Variants in TFIP11 observed in about 807,000 individuals in gnomAD.
The protein encoded by TFIP11 is tuftelin interacting protein 11, also known as tuftelin-interacting protein 11.
TFIP11 carries 86 observed loss-of-function variants against 96.8 expected under a neutral mutation model. The observed-to-expected ratio is 0.89, with a 90% CI of 0.75 to 1.06. The LOEUF is 1.06. Ranked by LOEUF, TFIP11 falls within the 50% of genes least tolerant of loss-of-function variation. The pLI, the probability that TFIP11 is intolerant of heterozygous loss-of-function variation, is 0.00. For synonymous variants in TFIP11, 405 were observed against 395.2 expected (o/e 1.02, Z -0.29); for missense variants, 881 against 1,076.7 (o/e 0.82, Z 2.54).
At position 26,496,191 on chromosome 22, in the gene TFIP11, G is replaced by A. The variant is rs1922006718; in HGVS notation, c.1731C>T (p.Ala577=). ...YSPIRSKLSS[A]LQKWHPSDSS... ...AGTCGCTGGGGTGCCACTTCTGCAG[G>A]GCGCTGGACAGCTTACTACGGATGG... Residue 577 remains alanine (A), a synonymous_variant, in exon 12 of 15, where the codon GCC becomes GCT. Transcript: ENST00000407690. 1.9e-6 allele frequency: 3 copies of A among 1,613,988 alleles called. No individual in the cohort carries two copies. The highest frequency in any genetic ancestry group is 4.5e-5 in the East Asian group (2 of 44,872).
intron 14 of TFIP11, chr22:26,492,935 G>C (rs950238515): frequency 1.3e-5 from 2 of 153,158 alleles, no homozygotes; most frequent in African/African-American, 4.8e-5. Context: ...GGGTAGCTAA[G>C]GAAGAGTTTT....
At chr22:26,507,771 G>A (rs1287037694) in intron 4 of TFIP11, among the ~76,000 whole-genome samples, 3 of 151,776 alleles carry the variant, frequency 2.0e-5, no homozygotes, top group African/African-American at 4.8e-5. Context: ...GGTCTTTTTT[G>A]TATAAAATAA....
rs1013510321 is a variant in TFIP11 at position 26,501,922 on chromosome 22, T to C, written c.779A>G (p.Gln260Arg). The C allele has an allele frequency of 6.2e-7, 1 of 1,613,350 alleles. No individual in the cohort carries two copies. The highest frequency in any genetic ancestry group is 8.5e-7 in the Non-Finnish European group (1 of 1,179,798). ...GRISKKLTAPQKELSQVKVID... is the reference protein window; with the variant it reads ...GRISKKLTAPRKELSQVKVID... ...TACCTTGACTTGAGAAAGTTCCTTCTGGGGAGCAGTGAGCTTCTTGCTAAT... is the reference window on the plus strand; with the variant it reads ...TACCTTGACTTGAGAAAGTTCCTTCCGGGGAGCAGTGAGCTTCTTGCTAAT... The change falls in exon 8 of 15, where the codon CAG (glutamine) becomes CGG (arginine). Residue 260 changes from glutamine to arginine, a missense_variant. Gln to Arg is a conservative substitution (Grantham distance 43). Transcript: ENST00000407690.
rs944076385 is a variant in TFIP11, at chr22:26,506,805, AG to A, written c.332del (p.Pro111LeufsTer9). On this transcript the variant is annotated frameshift_variant, in exon 5 of 15. Coordinates refer to ENST00000407690, the MANE Select transcript of TFIP11 (RefSeq NM_012143.4). LOFTEE classifies it high-confidence loss of function. ...EEKPVKQDDF[P>X]KDFGPRKLKT... ...TTAGCTTCCTTGGTCCAAAATCCTT[AG>A]GAAAGTCGTCCTGCTTAACAGGTTT... The A allele has an allele frequency of 1.2e-5, 19 of 1,614,090 alleles. No homozygotes were observed. In the Admixed American group the frequency reaches 2.7e-4, roughly 23 times the overall value.
chr22:26,503,169 G>A (rs923718491), intron 7 of TFIP11, among the ~76,000 whole-genome samples: 1 of 152,184 alleles, frequency 6.6e-6, no homozygotes, highest in Non-Finnish European at 1.5e-5. Flanking sequence ...AAAAATGGCT[G>A]TCATGGCTGT....
intron 8 of TFIP11, 26 bp downstream of exon 8, chr22:26,501,874 T>C (rs376211287): frequency 5.0e-6 from 8 of 1,596,466 alleles, no homozygotes; most frequent in Non-Finnish European, 6.8e-6. Context: ...GTGGATCCTG[T>C]ACCAGGTGTC....
chr22:26,491,636 C>G lies in TFIP11; in HGVS notation c.*377G>C, dbSNP rs765290140. On this transcript the variant is annotated 3_prime_UTR_variant, in exon 15 of 15. Transcript: ENST00000407690. The stretch of plus-strand genomic sequence containing the variant: ...AGGACTGTGAGGACCTTGAAATCAT[C>G]AGGAACAAGAGAGAAGATCCTTCTG... 6.2e-7 allele frequency: 1 copy of G among 1,613,416 alleles called. No homozygotes were observed. Among genetic ancestry groups the G allele is most frequent in the East Asian group, 2.2e-5 (1 of 44,884 alleles).
chr22:26,500,483 C>T (rs1922643343), intron 8 of TFIP11, among the ~76,000 whole-genome samples: 1 of 152,030 alleles, frequency 6.6e-6, no homozygotes. Context: ...AATTTTAAAA[C>T]AAAATAAAAT....
chr22:26,492,346 T>A lies in TFIP11; in HGVS notation c.2181A>T (p.Ala727=), dbSNP rs758655707. 2.5e-6 allele frequency: 4 copies of A among 1,614,114 alleles called. No individual in the cohort carries two copies. The highest frequency in any genetic ancestry group is 3.4e-6 in the Non-Finnish European group (4 of 1,179,984). ...GGGTGAGATAGGCAATGTTCTCCCG[T>A]GCTCCTGGCTGCATGTAGGCACCTA... ...SNVGAYMQPG[A]RENIAYLTHT... is the part of the protein sequence containing the mutation. Residue 727 remains alanine (A), a synonymous_variant, in exon 15 of 15, where the codon GCA becomes GCT. Coordinates refer to ENST00000407690, the MANE Select transcript of TFIP11 (RefSeq NM_012143.4).
Position 26,491,965 on chromosome 22 carries a change from C to T in TFIP11, c.*48G>A, listed in dbSNP as rs764675405. ...CTAAAAATACTGTTTATTTACAGTA[C>T]ATCCCTCTTAGGGGCAAGTCTCTGA... is the stretch of plus-strand genomic sequence containing the variant. On this transcript the variant is annotated 3_prime_UTR_variant, in exon 15 of 15. Transcript: ENST00000407690. 30 of 1,504,580 alleles carry T rather than the reference C, an allele frequency of 2.0e-5. 1 individual carries two copies. In the South Asian group the frequency reaches 3.7e-4, roughly 18 times the overall value. 93.2% of individuals were successfully genotyped at this position (1,504,580 alleles called of 1,614,324 possible).
At chr22:26,510,539 TATC>T in intron 3 of TFIP11, 75 bp downstream of exon 3, 1 of 435,158 alleles carries the variant, frequency 2.3e-6, no homozygotes, top group Non-Finnish European at 4.2e-6. Flanking sequence ...TCCTAGTCAA[TATC>T]ATAAATATCA....
chr22:26,501,736 A>C (rs1053213676), intron 8 of TFIP11, among the ~76,000 whole-genome samples, 164 bp downstream of exon 8: 1 of 140,078 alleles, frequency 7.1e-6, no homozygotes, highest in Admixed American at 7.4e-5. Context: ...CTATGTGAGC[A>C]TGTTCCTATT....
intron 8 of TFIP11, among the ~76,000 whole-genome samples, chr22:26,501,076 G>A (rs1202435551): frequency 1.3e-5 from 2 of 151,762 alleles, no homozygotes; most frequent in African/African-American, 2.4e-5. Context: ...GTAGAGACGG[G>A]GTTTCACCAT....
chr22:26,493,916 C>A, intron 14 of TFIP11: 1 of 524,986 alleles, frequency 1.9e-6, no homozygotes, highest in Non-Finnish European at 3.4e-6. Context: ...AAGTCAGTCT[C>A]CACTCAGGGA....
At position 26,496,236 on chromosome 22, in the gene TFIP11, C is replaced by T. The variant is rs1475383595; in HGVS notation, c.1686G>A (p.Arg562=). 2 of 1,613,892 alleles carry T rather than the reference C, an allele frequency of 1.2e-6. No individual in the cohort carries two copies. Among genetic ancestry groups the T allele is most frequent in the Non-Finnish European group, 1.7e-6 (2 of 1,179,954 alleles). Residue 562 remains arginine (R), a synonymous_variant, in exon 12 of 15, where the codon CGG becomes CGA. Coordinates refer to ENST00000407690, the MANE Select transcript of TFIP11 (RefSeq NM_012143.4). ...GGATGGGGGAATAGAGTGGCTCCAG[C>T]CGTGCCTGCATAAGGGGCAGCCATG... The part of the protein sequence containing the change: ...IHPWLPLMQA[R]LEPLYSPIRS...
chr22:26,503,817 A>G (rs1208036666), intron 6 of TFIP11, 24 bp from the exon 7 acceptor site: 2 of 1,610,246 alleles, frequency 1.2e-6, no homozygotes, highest in African/African-American at 1.3e-5. Flanking sequence ...GCAAAAAAAA[A>G]AGAGAGTCTT....
Position 26,501,959 on chromosome 22 carries a change from C to A in TFIP11, c.742G>T (p.Ala248Ser). ...AGCTTCTTGCTAATCCTGCCCTTGG[C>A]CTTCAACTCTTCCACGGTCTTGTAA... The part of the protein sequence containing the change: ...YSYKTVEELK[A>S]KGRISKKLTA... The change falls in exon 8 of 15, where the codon GCC becomes TCC. Residue 248 changes from alanine to serine, a missense_variant. Transcript: ENST00000407690. 3 of 1,613,878 alleles carry A rather than the reference C, an allele frequency of 1.9e-6. No individual in the cohort carries two copies. Among genetic ancestry groups the A allele is most frequent in the Non-Finnish European group, 1.7e-6 (2 of 1,179,978 alleles).
At chr22:26,494,619 G>T in intron 13 of TFIP11, 178 bp downstream of exon 13, 2 of 928,694 alleles carry the variant, frequency 2.2e-6, no homozygotes, top group Non-Finnish European at 3.2e-6. Context: ...AACAGCTTCT[G>T]ATACATGGCA....
rs1922109470 is a variant in TFIP11 at position 26,496,758 on chromosome 22, A to G, written c.1568T>C (p.Ile523Thr). Residue 523 changes from isoleucine to threonine, a missense_variant, in exon 11 of 15, where the codon ATA becomes ACA. Ile to Thr is a moderately conservative substitution (Grantham distance 89). Coordinates refer to ENST00000407690, the MANE Select transcript of TFIP11 (RefSeq NM_012143.4). ...CTTGGGGAAGATGAGTTGGTCCAGT[A>G]TGTTATCTAAGATCCACACAGGAAT... ...HIIPVWILDNILDQLIFPKLQ... is the reference protein window; with the variant it reads ...HIIPVWILDNTLDQLIFPKLQ... 1 of 1,613,254 alleles carries G rather than the reference A, an allele frequency of 6.2e-7. No individual in the cohort carries two copies. Among genetic ancestry groups the G allele is most frequent in the African/African-American group, 1.3e-5 (1 of 74,658 alleles).
Sources: allele counts gnomAD v4.1 joint callset (sites outside exome capture counted in the v4.1 genomes callset), GRCh38; gene constraint gnomAD v4.1.1; transcripts MANE v1.5; gene names NCBI Gene and HGNC (gene_info 2026-07-23, HGNC 2026-07-21).